FNDC3A: variants seen among roughly 807,000 people sequenced by gnomAD.
The protein encoded by FNDC3A is fibronectin type-III domain-containing protein 3A.
FNDC3A carries 32 observed loss-of-function variants against 148.9 expected under a neutral mutation model. The observed-to-expected ratio is 0.21, with a 90% CI of 0.16 to 0.29. The LOEUF (loss-of-function observed/expected upper bound fraction) is 0.29. Ranked by LOEUF, FNDC3A falls within the 10% of genes least tolerant of loss-of-function variation. FNDC3A has a pLI of 1.00. For synonymous variants in FNDC3A, 472 were observed against 473.6 expected (o/e 1.00, Z 0.04); for missense variants, 1,191 against 1,452.8 (o/e 0.82, Z 2.93).
At chr13:49,065,189 C>A (rs1051952444) in intron 2 of FNDC3A, among the ~76,000 whole-genome samples, 2 of 152,168 alleles carry the variant, frequency 1.3e-5, no homozygotes, top group African/African-American at 2.4e-5. Context: ...GAGCTGGAAA[C>A]CTGCAATGGG....
chr13:49,121,594 C>T (rs74333510), intron 4 of FNDC3A, among the ~76,000 whole-genome samples: 3,583 of 152,124 alleles, frequency 0.024, 50 homozygotes, highest in Middle Eastern at 0.051. Flanking sequence ...AATAGATAGA[C>T]CACTAGCTGG....
chr13:49,164,437 A>G (rs951844021), intron 8 of FNDC3A, among the ~76,000 whole-genome samples: 2 of 152,006 alleles, frequency 1.3e-5, no homozygotes, highest in Admixed American at 1.3e-4. Flanking sequence ...CTGTGTCTGG[A>G]TATCTAAATC....
intron 19 of FNDC3A, among the ~76,000 whole-genome samples, chr13:49,195,199 T>C (rs944035576): frequency 1.3e-5 from 2 of 152,216 alleles, no homozygotes; most frequent in African/African-American, 2.4e-5. Context: ...GTTGATGACC[T>C]TCATTTAAAG....
At chr13:49,093,653 A>G (rs980920439) in intron 3 of FNDC3A, among the ~76,000 whole-genome samples, 29 of 152,288 alleles carry the variant, frequency 1.9e-4, no homozygotes, top group African/African-American at 5.5e-4. Flanking sequence ...CCTTACAGTG[A>G]CTTCTCAAAC....
intron 1 of FNDC3A, among the ~76,000 whole-genome samples, chr13:48,990,182 G>A (rs993742466): frequency 1.3e-5 from 2 of 152,008 alleles, no homozygotes; most frequent in Non-Finnish European, 2.9e-5. Flanking sequence ...TGCAAAAACT[G>A]TCAACCTGGG....
At chr13:49,037,078 A>G (rs1443838183) in intron 2 of FNDC3A, among the ~76,000 whole-genome samples, 1 of 152,224 alleles carries the variant, frequency 6.6e-6, no homozygotes, top group Non-Finnish European at 1.5e-5. Flanking sequence ...TCTCATAAGC[A>G]TTGTGTTCTA....
chr13:49,130,498 G>T (rs774389533), intron 4 of FNDC3A, among the ~76,000 whole-genome samples: 10 of 151,930 alleles, frequency 6.6e-5, no homozygotes, highest in Non-Finnish European at 1.3e-4. Context: ...AAAGGAAATT[G>T]ATTCCTGAAC....
At chr13:49,117,298 A>G (rs868769978) in intron 4 of FNDC3A, among the ~76,000 whole-genome samples, 3 of 152,168 alleles carry the variant, frequency 2.0e-5, no homozygotes, top group South Asian at 2.1e-4. Context: ...AAGGCTTTAC[A>G]CGGTTCTGTC....
At chr13:49,108,917 C>T (rs941532805) in intron 3 of FNDC3A, among the ~76,000 whole-genome samples, 21 of 152,188 alleles carry the variant, frequency 1.4e-4, no homozygotes, top group African/African-American at 4.8e-4. Context: ...TCTGGGGTGT[C>T]TTACATATAT....
chr13:49,164,319 CT>C (rs1420318127), intron 8 of FNDC3A, among the ~76,000 whole-genome samples: 1 of 152,076 alleles, frequency 6.6e-6, no homozygotes, highest in Admixed American at 6.6e-5. Context: ...TTAGAATTTT[CT>C]TTGTTTTTTA....
chr13:49,105,592 A>G (rs1372344955), intron 3 of FNDC3A, among the ~76,000 whole-genome samples: 1 of 152,174 alleles, frequency 6.6e-6, no homozygotes, highest in East Asian at 1.9e-4. Flanking sequence ...GCTAGTTGAA[A>G]TCTCCATTTG....
intron 4 of FNDC3A, among the ~76,000 whole-genome samples, chr13:49,121,976 G>A (rs544912812): frequency 1.0e-3 from 158 of 152,130 alleles, no homozygotes; most frequent in African/African-American, 3.6e-3. Flanking sequence ...AGAAAAAGAC[G>A]GACTCCTCCC....
chr13:49,136,677 C>G, intron 6 of FNDC3A, 76 bp downstream of exon 6: 3 of 1,418,914 alleles, frequency 2.1e-6, no homozygotes, highest in Non-Finnish European at 1.9e-6. Flanking sequence ...ATATTCTAAC[C>G]TTTCAGTCAT....
chr13:49,155,376 A>AT lies in FNDC3A; in HGVS notation c.977+9449dup, dbSNP rs1363127889. ...GATCAGTGGTGATATCCCCTTTATC[A>AT]TTTTTTTTGTGTGTCTATTTGATTC... is the stretch of plus-strand genomic sequence containing the variant. On this transcript the variant is annotated intron_variant, in intron 8 of 25. Transcript: ENST00000492622. 9.4e-4 allele frequency among the ~76,000 whole-genome samples: 137 copies of AT among 146,404 alleles called. 2 individuals carry two copies. The highest frequency in any genetic ancestry group is 5.1e-3 in the South Asian group (24 of 4,664).
At chr13:49,023,582 A>G (rs1373493191) in intron 2 of FNDC3A, among the ~76,000 whole-genome samples, 3 of 151,968 alleles carry the variant, frequency 2.0e-5, no homozygotes, top group African/African-American at 4.8e-5. Context: ...TTGATGTTCT[A>G]TTAAACTCCT....
At chr13:49,012,569 C>T (rs896616963) in intron 2 of FNDC3A, among the ~76,000 whole-genome samples, 9 of 152,118 alleles carry the variant, frequency 5.9e-5, no homozygotes, top group African/African-American at 2.2e-4. Flanking sequence ...CACATGCACA[C>T]ACACACAACA....
intron 1 of FNDC3A, among the ~76,000 whole-genome samples, chr13:48,991,311 ATTC>A (rs1951911417): frequency 6.6e-6 from 1 of 152,252 alleles, no homozygotes; most frequent in Admixed American, 6.5e-5. Flanking sequence ...AGAACAAAGA[ATTC>A]TTACCAGAGA....
chr13:49,019,409 T>C (rs1873132705), intron 2 of FNDC3A, among the ~76,000 whole-genome samples: 1 of 152,224 alleles, frequency 6.6e-6, no homozygotes. Context: ...GAAAGGGAAC[T>C]CCCTGACCCC....
chr13:49,033,394 G>C (rs190032808), intron 2 of FNDC3A, among the ~76,000 whole-genome samples: 1 of 152,070 alleles, frequency 6.6e-6, no homozygotes, highest in Non-Finnish European at 1.5e-5. Flanking sequence ...CTGGTAATCA[G>C]TTGTACCTTT....
Sources: gnomAD v4.1 joint callset for allele counts (sites outside exome capture counted in the v4.1 genomes callset) on GRCh38, gnomAD v4.1.1 for gene constraint, MANE v1.5 for transcripts, NCBI Gene and HGNC (gene_info 2026-07-23, HGNC 2026-07-21) for gene names.